MYO19: variants seen among roughly 807,000 people sequenced by gnomAD.
MYO19 encodes myosin XIX, also known as unconventional myosin-XIX.
MYO19 carries 132 observed loss-of-function variants against 129.2 expected under a neutral mutation model. That is an observed-to-expected ratio of 1.02 (90% CI 0.89 to 1.18). The LOEUF is 1.18. Ranked by LOEUF, MYO19 falls within the 50% of genes most tolerant of loss-of-function variation. The pLI, the probability that MYO19 is intolerant of heterozygous loss-of-function variation, is 0.00. For synonymous variants in MYO19, 531 were observed against 477.2 expected, an observed-to-expected ratio of 1.11 and a Z score of -1.47; for missense variants, 1,210 against 1,216.7, an observed-to-expected ratio of 0.99 and a Z score of 0.08.
chr17:36,538,722 A>G, upstream of MYO19: 1 of 992,938 alleles, frequency 1.0e-6, no homozygotes, highest in South Asian at 1.8e-5. Context: ...TTTATTATAA[A>G]ATAGTTTCAG....
At chr17:36,511,948 T>C (rs537359286) in intron 11 of MYO19, among the ~76,000 whole-genome samples, 2 of 152,302 alleles carry the variant, frequency 1.3e-5, no homozygotes, top group Middle Eastern at 3.4e-3. Flanking sequence ...CCTTGGTCTG[T>C]GTCCGATGGG....
upstream of MYO19, chr17:36,535,422 G>A (rs919395482): frequency 8.5e-4 from 129 of 152,408 alleles, no homozygotes; most frequent in African/African-American, 3.1e-3. Flanking sequence ...CGCCATGATG[G>A]GCGGAGACGC....
At chr17:36,516,670 A>T (rs1174164882) in intron 6 of MYO19, among the ~76,000 whole-genome samples, 1 of 152,180 alleles carries the variant, frequency 6.6e-6, no homozygotes, top group Non-Finnish European at 1.5e-5. Flanking sequence ...CCTGGCCCCA[A>T]GCAGTCTAAT....
At chr17:36,521,023 G>C (rs1267405927) in intron 6 of MYO19, among the ~76,000 whole-genome samples, 2 of 152,144 alleles carry the variant, frequency 1.3e-5, no homozygotes, top group East Asian at 1.9e-4. Flanking sequence ...TGCATGTCTA[G>C]TCTGTTGATA....
chr17:36,514,484 G>A lies in MYO19; in HGVS notation c.682C>T (p.Gln228Ter), dbSNP rs774082310. The A allele has an allele frequency of 4.0e-5, 65 of 1,613,658 alleles. No homozygotes were observed. The East Asian group carries it at 5.6e-4, about 14-fold the overall frequency. Reference sequence around the variant, plus strand: ...TGGAAGTTCCTCTCACTGGAAGCCTGGCAGGCCACTCGAGTTTTCTCTAGG... The same window carrying A: ...TGGAAGTTCCTCTCACTGGAAGCCTAGCAGGCCACTCGAGTTTTCTCTAGG... The part of the protein sequence containing the change: ...YLLEKTRVAC[Q>*]ASSERNFHIF... The change falls in exon 9 of 26, where the codon CAG becomes TAG. Residue 228 changes from glutamine (Q) to a stop codon, truncating the protein, a stop_gained. Coordinates refer to ENST00000614623, the MANE Select transcript of MYO19 (RefSeq NM_001163735.2). LOFTEE classifies it high-confidence loss of function.
At chr17:36,497,275 C>T (rs1196187996) in intron 25 of MYO19, among the ~76,000 whole-genome samples, 1 of 151,702 alleles carries the variant, frequency 6.6e-6, no homozygotes, top group Non-Finnish European at 1.5e-5. Flanking sequence ...TGCATTCCAT[C>T]CTGGGCGACA....
rs775054658 is a variant in MYO19, at chr17:36,507,178, A to T, written c.1468-39T>A. The T allele has an allele frequency of 1.8e-5, 28 of 1,579,288 alleles. No individual in the cohort carries two copies. The African/African-American group carries it at 3.2e-4, about 18-fold the overall frequency. On this transcript the variant is annotated intron_variant, in intron 16 of 25. Transcript: ENST00000614623. ...ACAGGGGGTCAGCCACCAACATGAGAGTGTCTCACCACAACCCTCACTGTC... is the reference window on the plus strand; with the variant it reads ...ACAGGGGGTCAGCCACCAACATGAGTGTGTCTCACCACAACCCTCACTGTC...
intron 4 of MYO19, 122 bp downstream of exon 4, chr17:36,527,942 C>T (rs545511286): frequency 2.9e-6 from 4 of 1,366,872 alleles, no homozygotes; most frequent in Non-Finnish European, 4.0e-6. Context: ...TGGAGCAGCC[C>T]ACCTGGCTCC....
upstream of MYO19, chr17:36,535,551 T>G (rs549309582): frequency 1.3e-5 from 2 of 152,354 alleles, no homozygotes; most frequent in African/African-American, 4.8e-5. Flanking sequence ...CGGCTGCCCT[T>G]CCCACGTAGA....
intron 1 of MYO19, chr17:36,534,536 T>G (rs2074016646): frequency 6.6e-6 from 1 of 151,102 alleles, no homozygotes; most frequent in African/African-American, 2.4e-5. Flanking sequence ...GGTGGAAAGG[T>G]GGAGGGTGAT....
intron 9 of MYO19, among the ~76,000 whole-genome samples, chr17:36,513,967 A>C (rs2072555151): frequency 6.6e-6 from 1 of 152,206 alleles, no homozygotes; most frequent in Admixed American, 6.5e-5. Flanking sequence ...TGAAAAAAGG[A>C]CAACTCCTGC....
At chr17:36,506,351 C>T in intron 18 of MYO19, 105 bp downstream of exon 18, 1 of 1,434,068 alleles carries the variant, frequency 7.0e-7, no homozygotes, top group African/African-American at 1.4e-5. Flanking sequence ...ACTTGACTTG[C>T]CACTGCTCCC....
rs377282366 is a variant in MYO19, at chr17:36,505,408, C to T, written c.1798-4G>A. The T allele has an allele frequency of 1.9e-6, 3 of 1,612,650 alleles. No homozygotes were observed. The highest frequency in any genetic ancestry group is 2.5e-6 in the Non-Finnish European group (3 of 1,178,854). On this transcript the variant is annotated splice_polypyrimidine_tract_variant and splice_region_variant and intron_variant, in intron 18 of 25. Transcript: ENST00000614623. ...GCAGAAGCTGCTCCAGTGAGGCCTG[C>T]AGATGAGAGACCATGGGGTTAGGCA...
At position 36,512,640 on chromosome 17, in the gene MYO19, C is replaced by T. The variant is rs2072442141; in HGVS notation, c.894+789G>A. The T allele has an allele frequency of 3.9e-6, 5 of 1,288,548 alleles. No individual in the cohort carries two copies. The South Asian group carries it at 4.9e-5, about 13-fold the overall frequency. The allele number at this position is 1,288,548 out of a possible 1,614,324, so 79.8% of individuals were successfully genotyped here. A position where few individuals can be genotyped will look rare whatever the true frequency, so the allele number is the denominator to read the frequency against. ...CCTGGGCTTGTCCCCAGGTACTGTC[C>T]TTCTGTCAAGTTCTTACCTGGCAGT... On this transcript the variant is annotated intron_variant, in intron 11 of 25. Transcript: ENST00000614623.
rs747479049 is a variant in MYO19, at chr17:36,501,243, A to T, written c.2081-8T>A. ...CGCTGTGTGGACACCATTCTGGGGG[A>T]GGGAGATGGCCCCATCAGTGCATGG... On this transcript the variant is annotated splice_region_variant and splice_polypyrimidine_tract_variant and intron_variant, in intron 21 of 25. Transcript: ENST00000614623. 14 of 1,605,488 alleles carry T rather than the reference A, an allele frequency of 8.7e-6. No homozygotes were observed. The highest frequency in any genetic ancestry group is 1.2e-5 in the Non-Finnish European group (14 of 1,175,128).
Position 36,495,790 on chromosome 17 carries a change from T to C in MYO19, c.*461A>G. 8.1e-7 allele frequency: 1 copy of C among 1,239,512 alleles called. No individual in the cohort carries two copies. Among genetic ancestry groups the C allele is most frequent in the Non-Finnish European group, 1.0e-6 (1 of 991,938 alleles). 76.8% of individuals were successfully genotyped at this position (1,239,512 alleles called of 1,614,324 possible). On this transcript the variant is annotated 3_prime_UTR_variant, in exon 26 of 26. Transcript: ENST00000614623. ...TATTCATAATTTAATTGTTTGAAATTACATTAAATAAATCAACTAATTAAA... is the reference window on the plus strand; with the variant it reads ...TATTCATAATTTAATTGTTTGAAATCACATTAAATAAATCAACTAATTAAA...
intron 6 of MYO19, among the ~76,000 whole-genome samples, chr17:36,518,529 T>A (rs8075203): frequency 3.7e-4 from 21 of 56,418 alleles, no homozygotes; most frequent in African/African-American, 1.1e-3. Context: ...AAAAAAAAAA[T>A]ATATATATAT....
At chr17:36,506,772 A>G (rs894668260) in intron 17 of MYO19, 164 bp from the exon 18 acceptor site, 2 of 1,080,216 alleles carry the variant, frequency 1.9e-6, no homozygotes, top group South Asian at 1.8e-5. Flanking sequence ...CCAGTCTAAC[A>G]TGGGTTATCT....
At position 36,500,910 on chromosome 17, in the gene MYO19, CG is replaced by C; in HGVS notation, c.2296del (p.Arg766AlafsTer33). The C allele has an allele frequency of 6.2e-7, 1 of 1,609,766 alleles. No homozygotes were observed. The stretch of plus-strand genomic sequence containing the variant: ...TCGCCTCCAGCCACCCTGGATGCAG[CG>C]GGCACACTGCTCCAGCACCCGGGCA... ...GRARVLEQCARCIQGGWRRHR... is the reference protein window; with the variant it reads ...GRARVLEQCAXCIQGGWRRHR... On this transcript the variant is annotated frameshift_variant, in exon 23 of 26. Coordinates refer to ENST00000614623, the MANE Select transcript of MYO19 (RefSeq NM_001163735.2). LOFTEE classifies it high-confidence loss of function.
Sources: gnomAD v4.1 joint callset for allele counts (sites outside exome capture counted in the v4.1 genomes callset) on GRCh38, gnomAD v4.1.1 for gene constraint, MANE v1.5 for transcripts, NCBI Gene and HGNC (gene_info 2026-07-23, HGNC 2026-07-21) for gene names.